Variants in ARHGEF10 observed in about 807,000 individuals in gnomAD.
ARHGEF10 encodes Rho guanine nucleotide exchange factor 10, also known as Rho guanine nucleotide exchange factor (GEF) 10.
In ARHGEF10, 140 loss-of-function variants were observed where a neutral mutation model predicts 147.4. That is an observed-to-expected ratio of 0.95 (90% CI 0.83 to 1.09). ARHGEF10 has a LOEUF of 1.09. ARHGEF10 is among the 50% of genes least tolerant of loss of function. ARHGEF10 has a pLI of 0.00. For missense variants in ARHGEF10, 2,222 were observed against 1,752.7 expected (o/e 1.27, Z -4.78); for synonymous variants, 902 against 695.8 (o/e 1.30, Z -4.67).
At chr8:1,885,092 T>G (rs374996223) in intron 10 of ARHGEF10, among the ~76,000 whole-genome samples, 4 of 152,182 alleles carry the variant, frequency 2.6e-5, no homozygotes, top group Middle Eastern at 3.2e-3. Context: ...TTAAACTGTT[T>G]TGAGTTTTGG....
intron 6 of ARHGEF10, 80 bp from the exon 7 acceptor site, chr8:1,869,114 G>A: frequency 7.9e-7 from 1 of 1,257,964 alleles, no homozygotes; most frequent in Non-Finnish European, 1.2e-6. Context: ...GACATCATCG[G>A]CGACTGTGGC....
intron 10 of ARHGEF10, among the ~76,000 whole-genome samples, chr8:1,883,448 G>C (rs1380344584): frequency 6.6e-6 from 1 of 152,150 alleles, no homozygotes; most frequent in Non-Finnish European, 1.5e-5. Flanking sequence ...TAATGTGCCT[G>C]TCTGGTGCTA....
At chr8:1,825,503 C>G (rs749253015) in intron 1 of ARHGEF10, among the ~76,000 whole-genome samples, 1 of 147,876 alleles carries the variant, frequency 6.8e-6, no homozygotes, top group Non-Finnish European at 1.5e-5. Flanking sequence ...CTGTCCCCCC[C>G]GTACTCCACC....
In ARHGEF10 at chr8:1,920,467, C is replaced by T. The variant is rs180768222; in HGVS notation, c.2144-2497C>T. ...CCTCCCAAGTATTTGGGACTACAGG[C>T]GCGCATCACAATGCCTGGCTAATTT... On this transcript the variant is annotated intron_variant, in intron 18 of 28. Transcript: ENST00000349830. Among the ~76,000 whole-genome samples the T allele has an allele frequency of 1.5e-3, 221 of 151,354 alleles. 1 individual carries two copies. Among genetic ancestry groups the T allele is most frequent in the Non-Finnish European group, 2.3e-3 (158 of 67,920 alleles).
intron 14 of ARHGEF10, among the ~76,000 whole-genome samples, chr8:1,897,334 C>T (rs73542954): frequency 0.073 from 10,703 of 146,934 alleles, 377 homozygotes; most frequent in South Asian, 0.17. Context: ...GCTAAGGGAT[C>T]GGATCGCAGT....
Position 1,952,872 on chromosome 8 carries a change from G to T in ARHGEF10, c.3520+45G>T, listed in dbSNP as rs777513302. On this transcript the variant is annotated intron_variant, in intron 28 of 28. Coordinates refer to ENST00000349830, the MANE Select transcript of ARHGEF10 (RefSeq NM_014629.4). ...TGAGTGGCTGCATCCTGTCTTGCAG[G>T]CTCGTGGAGCATAGCAGTGTGTAGT... is the stretch of plus-strand genomic sequence containing the variant. 1.9e-6 allele frequency: 3 copies of T among 1,612,772 alleles called. No individual in the cohort carries two copies. In the South Asian group the frequency reaches 3.3e-5, roughly 18 times the overall value.
At chr8:1,850,196 GGCC>G (rs1563174621) in intron 2 of ARHGEF10, among the ~76,000 whole-genome samples, 5 of 63,618 alleles carry the variant, frequency 7.9e-5, no homozygotes, top group Admixed American at 1.6e-4. Flanking sequence ...GGCGTGGGGC[GGCC>G]ACATGGGCAT....
Position 1,895,231 on chromosome 8 carries a change from C to A in ARHGEF10, c.1440+659C>A, listed in dbSNP as rs113770332. ...AGTTTCGAGTCATTTTATCCTCACT[C>A]CGTGTATGAATCATACTTATTGTAT... On this transcript the variant is annotated intron_variant, in intron 13 of 28. Coordinates refer to ENST00000349830, the MANE Select transcript of ARHGEF10 (RefSeq NM_014629.4). 2.8e-3 allele frequency among the ~76,000 whole-genome samples: 428 copies of A among 152,320 alleles called. 5 individuals carry two copies. Among genetic ancestry groups the A allele is most frequent in the African/African-American group, 0.01 (421 of 41,572 alleles).
chr8:1,948,312 A>G lies in ARHGEF10; in HGVS notation c.3397+2657A>G, dbSNP rs1374945898. Among the ~76,000 whole-genome samples the G allele has an allele frequency of 6.6e-6, 1 of 152,180 alleles. No individual in the cohort carries two copies. The highest frequency in any genetic ancestry group is 1.5e-5 in the Non-Finnish European group (1 of 68,036). On this transcript the variant is annotated intron_variant, in intron 27 of 28. Coordinates refer to ENST00000349830, the MANE Select transcript of ARHGEF10 (RefSeq NM_014629.4). The surrounding 1 kb of genome is among the most constrained non-coding windows in gnomAD (Gnocchi z 4.9). The stretch of plus-strand genomic sequence containing the variant: ...GTGGGTCTTTACTTATTCCTACACG[A>G]CATAGTCAGGTCTGCATTTTAGACC...
intron 1 of ARHGEF10, among the ~76,000 whole-genome samples, chr8:1,826,400 TTGTG>T (rs753126395): frequency 2.3e-4 from 35 of 151,412 alleles, no homozygotes; most frequent in African/African-American, 3.6e-4. Context: ...GTGCGTGTGT[TTGTG>T]TGTGTGCTGT....
chr8:1,903,561 T>G (rs1169650519), intron 16 of ARHGEF10, 110 bp downstream of exon 16: 2 of 1,419,478 alleles, frequency 1.4e-6, no homozygotes, highest in Non-Finnish European at 1.9e-6. Context: ...GTAATTCCCT[T>G]CGCCCAGAGT....
intron 27 of ARHGEF10, among the ~76,000 whole-genome samples, chr8:1,946,129 G>T (rs1814570238): frequency 6.6e-6 from 1 of 152,164 alleles, no homozygotes; most frequent in African/African-American, 2.4e-5. Context: ...CTGGGCAGGG[G>T]AGAAGGCCAT....
chr8:1,860,247 C>G lies in ARHGEF10; in HGVS notation c.481+63C>G, dbSNP rs74513766. On this transcript the variant is annotated intron_variant, in intron 4 of 28. Coordinates refer to ENST00000349830, the MANE Select transcript of ARHGEF10 (RefSeq NM_014629.4). Reference sequence around the variant, plus strand: ...TGTGGTTCCCTCCTCTCCACGCCCCCGAAGTGGCCTGTGGTTCCCTCCTCT... The same window carrying G: ...TGTGGTTCCCTCCTCTCCACGCCCCGGAAGTGGCCTGTGGTTCCCTCCTCT... The G allele has an allele frequency of 4.1e-3, 6,219 of 1,507,912 alleles. 164 individuals carry two copies. Among genetic ancestry groups the G allele is most frequent in the Non-Finnish European group, 4.3e-3 (4,771 of 1,102,304 alleles). 93.4% of individuals were successfully genotyped at this position (1,507,912 alleles called of 1,614,324 possible). A position where few individuals can be genotyped will look rare whatever the true frequency, so the allele number is the denominator to read the frequency against.
intron 1 of ARHGEF10, among the ~76,000 whole-genome samples, chr8:1,832,014 G>A (rs955862432): frequency 1.3e-5 from 2 of 152,326 alleles, no homozygotes; most frequent in South Asian, 4.1e-4. Context: ...TGGGGACTGG[G>A]TGTGGGGACA....
At chr8:1,893,732 A>T in intron 12 of ARHGEF10, 86 bp downstream of exon 12, 8 of 1,111,072 alleles carry the variant, frequency 7.2e-6, no homozygotes, top group South Asian at 2.6e-5. Context: ...TGCAAAGCAT[A>T]TATGTTTATG....
chr8:1,914,738 G>C (rs1263538444), intron 18 of ARHGEF10, among the ~76,000 whole-genome samples: 1 of 152,222 alleles, frequency 6.6e-6, no homozygotes, highest in Non-Finnish European at 1.5e-5. Flanking sequence ...ACGTGTGTGT[G>C]TGTGGGAGAT....
chr8:1,929,458 A>G lies in ARHGEF10; in HGVS notation c.3079+15A>G. The G allele has an allele frequency of 6.3e-7, 1 of 1,598,744 alleles. No individual in the cohort carries two copies. On this transcript the variant is annotated intron_variant, in intron 25 of 28. Coordinates refer to ENST00000349830, the MANE Select transcript of ARHGEF10 (RefSeq NM_014629.4). ...CAGAGCCCCAGGTGAGGCGGGTCTCACGGCCTCCTGGCCGGTCCTTGGGGT... is the reference window on the plus strand; with the variant it reads ...CAGAGCCCCAGGTGAGGCGGGTCTCGCGGCCTCCTGGCCGGTCCTTGGGGT...
intron 11 of ARHGEF10, among the ~76,000 whole-genome samples, chr8:1,892,274 GCT>G (rs1216148688): frequency 1.2e-5 from 1 of 84,818 alleles, no homozygotes; most frequent in African/African-American, 5.9e-5. Context: ...CCAGCTTCTG[GCT>G]CTGTGTGTGT....
chr8:1,845,443 A>G (rs1267167199), intron 2 of ARHGEF10, among the ~76,000 whole-genome samples: 1 of 152,180 alleles, frequency 6.6e-6, no homozygotes, highest in Non-Finnish European at 1.5e-5. Flanking sequence ...ATGGCACACC[A>G]TTAATATGGT....
Sources: allele counts gnomAD v4.1 joint callset (sites outside exome capture counted in the v4.1 genomes callset), GRCh38; gene constraint gnomAD v4.1.1; non-coding constraint Gnocchi (gnomAD v3.1); transcripts MANE v1.5; gene names NCBI Gene and HGNC (gene_info 2026-07-23, HGNC 2026-07-21).